TIAM2: variants seen among roughly 807,000 people sequenced by gnomAD.
TIAM2 encodes TIAM Rac1 associated GEF 2.
In TIAM2, 80 loss-of-function variants were observed where a neutral mutation model predicts 152.9. That is an observed-to-expected ratio of 0.52 (90% CI 0.44 to 0.63). The LOEUF (loss-of-function observed/expected upper bound fraction) is 0.63, where lower values mean the gene tolerates loss of function less well. Ranked by LOEUF, TIAM2 falls within the 30% of genes least tolerant of loss-of-function variation. The pLI is 0.00. For missense variants in TIAM2, 1,965 were observed against 2,120.1 expected (o/e 0.93, Z 1.44); for synonymous variants, 804 against 838.0 (o/e 0.96, Z 0.70).
rs752594520 is a variant in TIAM2 at position 155,245,628 on chromosome 6, A to T, written c.3549A>T (p.Leu1183Phe). The change falls in exon 19 of 27, where the codon TTA (leucine) becomes TTT (phenylalanine). Residue 1183 changes from leucine to phenylalanine, a missense_variant. Physicochemically the swap from Leu to Phe is conservative, Grantham distance 22. Around this residue, in one of 3 missense-constraint regions of TIAM2, gnomAD observed 935 missense variants for 980.0 expected, o/e 0.95. Transcript: ENST00000682666. ...TLETPSQFRK[L>F]LFSLGGSFLY... ...TTTCCCCTCTGCCCTTCTAGAAATT[A>T]CTGTTTTCCCTTGGAGGCTCTTTCC... The T allele has an allele frequency of 6.2e-7, 1 of 1,613,348 alleles. No homozygotes were observed. Among genetic ancestry groups the T allele is most frequent in the Admixed American group, 1.7e-5 (1 of 59,974 alleles).
chr6:155,144,715 G>A lies in TIAM2; in HGVS notation c.1740G>A (p.Glu580=). The A allele has an allele frequency of 1.2e-6, 2 of 1,611,390 alleles. No homozygotes were observed. The highest frequency in any genetic ancestry group is 8.5e-7 in the Non-Finnish European group (1 of 1,179,012). The change falls in exon 6 of 27, where the codon GAG becomes GAA. Residue 580 remains glutamate, a synonymous_variant. Coordinates refer to ENST00000682666, the MANE Select transcript of TIAM2 (RefSeq NM_012454.4). ...ACAGCATAGTGCAGTCTGTTCCAGA[G>A]CATCCCAAGAAAGAAAATGTGTTCT... ...AEDSIVQSVP[E]HPKKENVFCL...
At chr6:155,179,540 T>A (rs1053186819) in intron 12 of TIAM2, 84 bp downstream of exon 12, 3 of 1,245,022 alleles carry the variant, frequency 2.4e-6, no homozygotes, top group Non-Finnish European at 3.4e-6. Context: ...CTTAATTTTT[T>A]CCCCTTACAT....
At chr6:155,065,488 T>G (rs908947125) in intron 1 of TIAM2, among the ~76,000 whole-genome samples, 1 of 152,052 alleles carries the variant, frequency 6.6e-6, no homozygotes, top group South Asian at 2.1e-4. Context: ...TTAAAAAATA[T>G]GATTTTAGGT....
chr6:155,005,087 T>A, intron 1 of TIAM2: 2 of 332,094 alleles, frequency 6.0e-6, no homozygotes, highest in Non-Finnish European at 5.6e-6. Context: ...GCTTGGAGGA[T>A]GGTAATGGAG....
chr6:155,225,008 T>G (rs1782193033), intron 15 of TIAM2, among the ~76,000 whole-genome samples: 1 of 152,102 alleles, frequency 6.6e-6, no homozygotes, highest in South Asian at 2.1e-4. Context: ...CAAGCTGGAG[T>G]GAAATGGTGC....
chr6:155,126,908 A>G (rs1362789551), intron 2 of TIAM2, among the ~76,000 whole-genome samples: 1 of 151,830 alleles, frequency 6.6e-6, no homozygotes, highest in Non-Finnish European at 1.5e-5. Flanking sequence ...GCACGGCCAG[A>G]GGGGAGCCTC....
chr6:155,013,175 T>C (rs1413717795), intron 1 of TIAM2, among the ~76,000 whole-genome samples: 1 of 151,944 alleles, frequency 6.6e-6, no homozygotes, highest in Non-Finnish European at 1.5e-5. Context: ...CCAGTCCCCA[T>C]GGCTCCTGTA....
At chr6:155,006,698 G>C (rs968979626) in intron 1 of TIAM2, among the ~76,000 whole-genome samples, 3 of 125,058 alleles carry the variant, frequency 2.4e-5, no homozygotes, top group African/African-American at 8.8e-5. Flanking sequence ...AAAAAAAAAA[G>C]AAAAAAAAAA....
rs1162488270 is a variant in TIAM2, at chr6:155,183,499, T to A, written c.3063T>A (p.Asn1021Lys). Residue 1021 changes from asparagine to lysine, a missense_variant and splice_region_variant, in exon 14 of 27, where the codon AAT (asparagine) becomes AAA (lysine). Asn to Lys is a moderately conservative substitution (Grantham distance 94). Coordinates refer to ENST00000682666, the MANE Select transcript of TIAM2 (RefSeq NM_012454.4). ...ATAACTTTAAAAAGAATACAGCCAA[T>A]GGTAAGGCTTTGTTCTGTCTTCCTT... is the stretch of plus-strand genomic sequence containing the variant. ...FLDNFKKNTA[N>K]DFSNVPDITT... is the part of the protein sequence containing the mutation. 1 of 1,610,170 alleles carries A rather than the reference T, an allele frequency of 6.2e-7. No homozygotes were observed. The highest frequency in any genetic ancestry group is 1.1e-5 in the South Asian group (1 of 90,588).
chr6:155,036,764 T>C (rs1776931817), intron 1 of TIAM2, among the ~76,000 whole-genome samples: 2 of 151,778 alleles, frequency 1.3e-5, no homozygotes, highest in South Asian at 2.1e-4. Context: ...ATTACAGGCA[T>C]ACACCACCAC....
intron 22 of TIAM2, among the ~76,000 whole-genome samples, chr6:155,251,444 G>A (rs1395654016): frequency 6.6e-6 from 1 of 151,948 alleles, no homozygotes; most frequent in Non-Finnish European, 1.5e-5. Context: ...TCGCCACCAC[G>A]CCCGGCTGAT....
chr6:155,012,632 C>T, intron 1 of TIAM2, among the ~76,000 whole-genome samples: 1 of 151,998 alleles, frequency 6.6e-6, no homozygotes, highest in East Asian at 1.9e-4. Flanking sequence ...CTCACTGCAC[C>T]CTCTACCTTC....
intron 4 of TIAM2, among the ~76,000 whole-genome samples, chr6:155,131,576 C>CTTTTTTTTTTTTTTTTTTTTTTTTTTTT (rs1326392725): frequency 6.9e-6 from 1 of 144,748 alleles, no homozygotes. Context: ...CATGTGTAAT[C>CTTTTTTTTTTTTTTTTTTTTTTTTTTTT]TTTTTTTTTT....
At chr6:155,168,813 T>C in intron 9 of TIAM2, 1 of 1,520,020 alleles carries the variant, frequency 6.6e-7, no homozygotes, top group Non-Finnish European at 8.8e-7. Context: ...ACAGGGCCAT[T>C]TCATTAGTCT....
At chr6:155,109,046 C>T (rs193049473) in intron 2 of TIAM2, among the ~76,000 whole-genome samples, 7 of 152,138 alleles carry the variant, frequency 4.6e-5, no homozygotes, top group East Asian at 1.9e-4. Context: ...TGCAATGGCG[C>T]GATCTCAGCT....
At chr6:155,141,027 A>T (rs1195513580) in intron 5 of TIAM2, among the ~76,000 whole-genome samples, 1 of 152,162 alleles carries the variant, frequency 6.6e-6, no homozygotes, top group Non-Finnish European at 1.5e-5. Flanking sequence ...TAGACCAGGA[A>T]CTTCTGGCTA....
At chr6:155,135,261 T>TA (rs1176252283) in intron 4 of TIAM2, among the ~76,000 whole-genome samples, 1 of 152,166 alleles carries the variant, frequency 6.6e-6, no homozygotes, top group African/African-American at 2.4e-5. Flanking sequence ...ATTATTCTCT[T>TA]ACAAAACAGC....
chr6:155,147,291 A>G (rs6928898), intron 6 of TIAM2, among the ~76,000 whole-genome samples: 98,021 of 151,370 alleles, frequency 0.65, 31,993 homozygotes, highest in Admixed American at 0.76. Flanking sequence ...GAAGACAAGT[A>G]TCCTTTTATT....
intron 2 of TIAM2, among the ~76,000 whole-genome samples, chr6:155,113,537 A>G (rs1778913074): frequency 6.6e-6 from 1 of 151,990 alleles, no homozygotes; most frequent in African/African-American, 2.4e-5. Context: ...CCTGGCCAAC[A>G]CTGTGAAACC....
Sources: gnomAD v4.1 joint callset for allele counts (sites outside exome capture counted in the v4.1 genomes callset) on GRCh38, gnomAD v4.1.1 for gene constraint, gnomAD v4.1.1 regional missense constraint, MANE v1.5 for transcripts, NCBI Gene and HGNC (gene_info 2026-07-23, HGNC 2026-07-21) for gene names.